Variants in HIVEP1 observed in about 807,000 individuals in gnomAD.
HIVEP1 encodes the protein HIVEP zinc finger 1.
In HIVEP1, 36 loss-of-function variants were observed where a neutral mutation model predicts 180.0. That is an observed-to-expected ratio of 0.20 (90% CI 0.15 to 0.26). The LOEUF (loss-of-function observed/expected upper bound fraction) is 0.26. Ranked by LOEUF, HIVEP1 falls within the 10% of genes least tolerant of loss-of-function variation. The probability of loss-of-function intolerance (pLI) is 1.00; values close to 1 mark genes in which losing one functional copy is unlikely to be tolerated. For missense variants in HIVEP1, 3,143 were observed against 3,268.7 expected (o/e 0.96, Z 0.94); for synonymous variants, 1,239 against 1,239.0 (o/e 1.00, Z 0.00).
At chr6:12,054,410 A>G (rs1457723071) in intron 2 of HIVEP1, among the ~76,000 whole-genome samples, 1 of 152,230 alleles carries the variant, frequency 6.6e-6, no homozygotes, top group Non-Finnish European at 1.5e-5. Flanking sequence ...TTTCATTTAT[A>G]TGTATACATA....
At chr6:12,112,019 G>T (rs765522741) in intron 3 of HIVEP1, among the ~76,000 whole-genome samples, 2 of 152,042 alleles carry the variant, frequency 1.3e-5, no homozygotes, top group African/African-American at 2.4e-5. Context: ...TTTTATTATT[G>T]TCATTTTCAG....
intron 3 of HIVEP1, 33 bp from the exon 4 acceptor site, chr6:12,119,857 C>T (rs3800499): frequency 0.2 from 274,907 of 1,374,234 alleles, 30,009 homozygotes; most frequent in East Asian, 0.44. Context: ...TACAATGTTA[C>T]CAATTGTTTG....
Position 12,074,101 on chromosome 6 carries a change from A to G in HIVEP1, c.41-15083A>G, listed in dbSNP as rs145677622. On this transcript the variant is annotated intron_variant, in intron 2 of 8. Coordinates refer to ENST00000379388, the MANE Select transcript of HIVEP1 (RefSeq NM_002114.4). ...TGTATGTTATAGGTACTTATGCATG[A>G]AAACATTTTATTTGATTAAAATATT... Among the ~76,000 whole-genome samples, 143 of 152,356 alleles carry G rather than the reference A, an allele frequency of 9.4e-4. 1 individual carries two copies. In the Middle Eastern group the frequency reaches 0.037, roughly 40 times the overall value.
rs1461838361 is a variant in HIVEP1, at chr6:12,163,351, T to C, written c.7047T>C (p.Pro2349=). The C allele has an allele frequency of 5.6e-6, 9 of 1,614,210 alleles. No homozygotes were observed. The South Asian group carries it at 9.9e-5, about 18-fold the overall frequency. The part of the protein sequence containing the change: ...EHSPQTAAGM[P]SVASPHPDPQ... ...GCCCCCAGACAGCAGCGGGGATGCC[T>C]TCTGTGGCCTCACCACATCCTGACC... Residue 2349 remains proline, a synonymous_variant, in exon 9 of 9, where the codon CCT becomes CCC. Transcript: ENST00000379388.
intron 2 of HIVEP1, among the ~76,000 whole-genome samples, chr6:12,046,547 G>A (rs1770128439): frequency 1.3e-5 from 2 of 152,298 alleles, no homozygotes; most frequent in Non-Finnish European, 2.9e-5. Flanking sequence ...TTGGGAGGCT[G>A]AGGTGGGTGG....
intron 2 of HIVEP1, among the ~76,000 whole-genome samples, chr6:12,044,438 C>T (rs1561883215): frequency 6.6e-6 from 1 of 152,198 alleles, no homozygotes; most frequent in African/African-American, 2.4e-5. Flanking sequence ...TTCCCCACCC[C>T]TCACCATCCT....
intron 3 of HIVEP1, among the ~76,000 whole-genome samples, chr6:12,115,350 C>CTTTTTTTTTTTTTTTTTT (rs34074662): frequency 1.3e-5 from 1 of 75,296 alleles, no homozygotes; most frequent in African/African-American, 5.4e-5. Flanking sequence ...CCCAACTATT[C>CTTTTTTTTTTTTTTTTTT]TTTTTTTTTT....
At chr6:12,135,465 T>A (rs958244115) in intron 6 of HIVEP1, among the ~76,000 whole-genome samples, 9 of 152,132 alleles carry the variant, frequency 5.9e-5, no homozygotes, top group Admixed American at 5.2e-4. Context: ...GAACTACAGA[T>A]CATAGTGTAG....
intron 2 of HIVEP1, among the ~76,000 whole-genome samples, chr6:12,088,144 C>T (rs6928420): frequency 0.064 from 9,701 of 152,102 alleles, 371 homozygotes; most frequent in Middle Eastern, 0.14. Context: ...CCATGGTGTG[C>T]GGTGTCTGCC....
At chr6:12,127,525 A>G (rs989955761) in intron 4 of HIVEP1, among the ~76,000 whole-genome samples, 1 of 152,244 alleles carries the variant, frequency 6.6e-6, no homozygotes, top group African/African-American at 2.4e-5. Context: ...CTGGAAATGC[A>G]TATCTAGATT....
intron 7 of HIVEP1, among the ~76,000 whole-genome samples, chr6:12,157,786 A>G (rs1760148346): frequency 6.6e-6 from 1 of 151,970 alleles, no homozygotes; most frequent in South Asian, 2.1e-4. Context: ...CTTCCGTTTA[A>G]CATTTATTGT....
At chr6:12,139,073 C>T (rs1033845103) in intron 7 of HIVEP1, among the ~76,000 whole-genome samples, 11 of 152,040 alleles carry the variant, frequency 7.2e-5, no homozygotes, top group African/African-American at 2.7e-4. Context: ...TGTTCCTTTA[C>T]AGACTATCTT....
intron 2 of HIVEP1, among the ~76,000 whole-genome samples, chr6:12,059,364 T>A (rs891689838): frequency 3.9e-5 from 6 of 152,240 alleles, no homozygotes; most frequent in East Asian, 1.9e-4. Context: ...TATCCTACAT[T>A]TTTTGGGGGG....
intron 2 of HIVEP1, among the ~76,000 whole-genome samples, chr6:12,072,635 T>A (rs979747940): frequency 6.6e-6 from 1 of 152,202 alleles, no homozygotes; most frequent in African/African-American, 2.4e-5. Context: ...TTCCACAGTT[T>A]GTTCATTTTT....
At chr6:12,086,838 C>T (rs114529704) in intron 2 of HIVEP1, among the ~76,000 whole-genome samples, 1,528 of 152,108 alleles carry the variant, frequency 0.01, 26 homozygotes, top group African/African-American at 0.035. Flanking sequence ...ATATAAATAA[C>T]GCTTTACATA....
intron 6 of HIVEP1, 26 bp from the exon 7 acceptor site, chr6:12,135,765 C>A: frequency 6.9e-7 from 1 of 1,442,062 alleles, no homozygotes; most frequent in Non-Finnish European, 9.7e-7. Flanking sequence ...ACTACTTAAG[C>A]TTAGTAAACA....
chr6:12,108,472 G>A (rs1774620724), intron 3 of HIVEP1, among the ~76,000 whole-genome samples: 1 of 152,254 alleles, frequency 6.6e-6, no homozygotes, highest in African/African-American at 2.4e-5. Flanking sequence ...GGGCTGCGCA[G>A]GAGCCCACGG....
chr6:12,203,617 A>C, the HIVEP1 span, among the ~76,000 whole-genome samples: 10 of 152,248 alleles, frequency 6.6e-5, no homozygotes, highest in African/African-American at 2.4e-4. Context: ...GAGACAAAAA[A>C]AAGTCCTTCA....
intron 2 of HIVEP1, among the ~76,000 whole-genome samples, chr6:12,064,692 C>T (rs1246338883): frequency 6.6e-6 from 1 of 152,138 alleles, no homozygotes; most frequent in Non-Finnish European, 1.5e-5. Flanking sequence ...GAGAGGCTAC[C>T]TTTCCTGACA....
Sources: allele counts gnomAD v4.1 joint callset (sites outside exome capture counted in the v4.1 genomes callset), GRCh38; gene constraint gnomAD v4.1.1; transcripts MANE v1.5; gene names NCBI Gene and HGNC (gene_info 2026-07-23, HGNC 2026-07-21).